Variants in MARK1 observed in about 807,000 individuals in gnomAD.
MARK1 encodes the protein serine/threonine-protein kinase MARK1.
In MARK1, 40 loss-of-function variants were observed where a neutral mutation model predicts 96.3. The ratio of observed to expected loss-of-function variants is 0.42; its 90% CI spans 0.32 to 0.54. The LOEUF is 0.54. Among genes scored for constraint, MARK1 ranks in the 20% least tolerant of loss-of-function variants. The pLI, the probability that MARK1 is intolerant of heterozygous loss-of-function variation, is 0.16. For synonymous variants in MARK1, 317 were observed against 341.2 expected (o/e 0.93, Z 0.78); for missense variants, 719 against 984.6 (o/e 0.73, Z 3.61).
chr1:220,598,244 T>C, intron 3 of MARK1, 87 bp from the exon 4 acceptor site: 1 of 472,112 alleles, frequency 2.1e-6, no homozygotes, highest in Non-Finnish European at 4.2e-6. Context: ...TGTAAGCAGA[T>C]TAATTTCTTC....
chr1:220,635,576 A>G (rs1054074791), intron 12 of MARK1, 47 bp downstream of exon 12: 29 of 1,580,724 alleles, frequency 1.8e-5, no homozygotes, highest in Non-Finnish European at 2.2e-5. Flanking sequence ...GGTTCTTCCC[A>G]AATTTGTGTT....
intron 7 of MARK1, 36 bp downstream of exon 7, chr1:220,616,031 TC>T: frequency 9.4e-7 from 1 of 1,066,444 alleles, no homozygotes; most frequent in Non-Finnish European, 1.4e-6. Context: ...AAAAAAAAAA[TC>T]GTTATTATTA....
At chr1:220,583,142 G>C (rs1363669127) in intron 3 of MARK1, among the ~76,000 whole-genome samples, 1 of 152,088 alleles carries the variant, frequency 6.6e-6, no homozygotes, top group African/African-American at 2.4e-5. Flanking sequence ...AGTAAAATTT[G>C]CTTCCATGTC....
intron 1 of MARK1, among the ~76,000 whole-genome samples, chr1:220,553,650 G>A: frequency 6.6e-6 from 1 of 152,202 alleles, no homozygotes; most frequent in East Asian, 1.9e-4. Context: ...CTCATAATGG[G>A]AAGCTTATGT....
chr1:220,587,922 G>A (rs1442406755), intron 3 of MARK1, among the ~76,000 whole-genome samples: 1 of 151,990 alleles, frequency 6.6e-6, no homozygotes. Context: ...GAATTGCTGG[G>A]TTGAAGGGCA....
chr1:220,603,402 C>T (rs1665873186), intron 5 of MARK1, among the ~76,000 whole-genome samples: 1 of 151,882 alleles, frequency 6.6e-6, no homozygotes, highest in Non-Finnish European at 1.5e-5. Flanking sequence ...TCGTGTTCTG[C>T]CATGAAGATG....
chr1:220,643,746 CAA>C (rs1245173993), intron 13 of MARK1, among the ~76,000 whole-genome samples: 2 of 152,110 alleles, frequency 1.3e-5, no homozygotes, highest in African/African-American at 4.8e-5. Context: ...CCCTGCAAGC[CAA>C]AAGAGATTGG....
At chr1:220,636,576 G>A (rs1401892866) in intron 13 of MARK1, among the ~76,000 whole-genome samples, 1 of 151,934 alleles carries the variant, frequency 6.6e-6, no homozygotes, top group East Asian at 1.9e-4. Context: ...GCAAAATGAA[G>A]GAGGAGAAAT....
intron 6 of MARK1, among the ~76,000 whole-genome samples, chr1:220,615,230 TTAG>T (rs773732225): frequency 3.3e-5 from 5 of 152,286 alleles, no homozygotes; most frequent in Non-Finnish European, 7.4e-5. Flanking sequence ...TCCTCCTTGT[TTAG>T]TCCTTTTCTC....
chr1:220,546,393 C>G (rs1475114366), intron 1 of MARK1, among the ~76,000 whole-genome samples: 1 of 152,042 alleles, frequency 6.6e-6, no homozygotes, highest in East Asian at 1.9e-4. Context: ...ACTTAGTATA[C>G]TAGAAAGTAG....
At chr1:220,649,845 A>T (rs1295624783) in intron 13 of MARK1, among the ~76,000 whole-genome samples, 1 of 152,216 alleles carries the variant, frequency 6.6e-6, no homozygotes, top group Non-Finnish European at 1.5e-5. Context: ...GGTAAGGATT[A>T]AACAGAAGAG....
intron 13 of MARK1, 140 bp downstream of exon 13, chr1:220,636,166 A>C: frequency 1.7e-6 from 1 of 575,948 alleles, no homozygotes; most frequent in Non-Finnish European, 2.8e-6. Context: ...AAAAGGGACC[A>C]CACTTCTCAT....
intron 9 of MARK1, among the ~76,000 whole-genome samples, chr1:220,619,584 C>T (rs1315638053): frequency 2.0e-5 from 3 of 152,142 alleles, no homozygotes; most frequent in Admixed American, 6.5e-5. Flanking sequence ...TTTCTTAGCA[C>T]ACTGTTGTGT....
chr1:220,562,732 A>G (rs886271235), intron 1 of MARK1, among the ~76,000 whole-genome samples: 2 of 152,184 alleles, frequency 1.3e-5, no homozygotes, highest in Admixed American at 6.5e-5. Context: ...GCATAGTATA[A>G]TATTTGCATA....
At chr1:220,619,119 A>T (rs1205219502) in intron 9 of MARK1, among the ~76,000 whole-genome samples, 1 of 152,258 alleles carries the variant, frequency 6.6e-6, no homozygotes, top group Non-Finnish European at 1.5e-5. Context: ...GATAAAAGAA[A>T]ATAGTGAAAA....
intron 1 of MARK1, among the ~76,000 whole-genome samples, chr1:220,532,826 A>G (rs1660406305): frequency 6.6e-6 from 1 of 152,054 alleles, no homozygotes; most frequent in Non-Finnish European, 1.5e-5. Flanking sequence ...GGCAACATGG[A>G]GAAACCCTGT....
chr1:220,579,453 A>G lies in MARK1; in HGVS notation c.151A>G (p.Thr51Ala), dbSNP rs147220968. ...PRCRNSITSA[T>A]DEQPHIGNYR... ...GTGTAGAAACTCCATTACGTCAGCAACAGATGAACAGCCTCACATTGGAAA... is the reference window on the plus strand; with the variant it reads ...GTGTAGAAACTCCATTACGTCAGCAGCAGATGAACAGCCTCACATTGGAAA... The change falls in exon 2 of 18, where the codon ACA (threonine) becomes GCA (alanine). Residue 51 changes from threonine (T) to alanine (A), a missense_variant. Coordinates refer to ENST00000366917, the MANE Select transcript of MARK1 (RefSeq NM_018650.5). The G allele has an allele frequency of 4.5e-4, 731 of 1,613,984 alleles. 1 individual carries two copies. The highest frequency in any genetic ancestry group is 5.7e-4 in the Non-Finnish European group (673 of 1,179,976).
intron 6 of MARK1, among the ~76,000 whole-genome samples, chr1:220,612,188 A>G (rs1666484251): frequency 6.6e-6 from 1 of 152,200 alleles, no homozygotes; most frequent in African/African-American, 2.4e-5. Flanking sequence ...TAAGGCAGCT[A>G]GTTTTACTTA....
chr1:220,546,249 C>T (rs909320501), intron 1 of MARK1, among the ~76,000 whole-genome samples: 1 of 152,146 alleles, frequency 6.6e-6, no homozygotes, highest in African/African-American at 2.4e-5. Flanking sequence ...TTTTAACAAA[C>T]ATCAGAATAA....
Sources: allele counts gnomAD v4.1 joint callset (sites outside exome capture counted in the v4.1 genomes callset), GRCh38; gene constraint gnomAD v4.1.1; transcripts MANE v1.5; gene names NCBI Gene and HGNC (gene_info 2026-07-23, HGNC 2026-07-21).